Variants in GUCY2C observed in about 807,000 individuals in gnomAD.
GUCY2C encodes guanylate cyclase 2C.
GUCY2C carries 118 observed loss-of-function variants against 131.1 expected under a neutral mutation model. That is an observed-to-expected ratio of 0.90 (90% CI 0.78 to 1.05). The LOEUF is 1.05. Ranked by LOEUF, GUCY2C falls within the 50% of genes least tolerant of loss-of-function variation. The pLI is 0.00. For synonymous variants in GUCY2C, 452 were observed against 457.8 expected, an observed-to-expected ratio of 0.99 and a Z score of 0.16; for missense variants, 1,161 against 1,304.4, an observed-to-expected ratio of 0.89 and a Z score of 1.69.
chr12:14,666,340 C>T (rs1417002253), intron 10 of GUCY2C, among the ~76,000 whole-genome samples: 1 of 152,244 alleles, frequency 6.6e-6, no homozygotes, highest in Non-Finnish European at 1.5e-5. Flanking sequence ...TGCGGGCATT[C>T]ATCTACGCAA....
In GUCY2C at chr12:14,621,042, C is replaced by G. The variant is rs138750508; in HGVS notation, c.2776G>C (p.Gly926Arg). 12 of 1,612,942 alleles carry G rather than the reference C, an allele frequency of 7.4e-6. No individual in the cohort carries two copies. In the African/African-American group the frequency reaches 1.6e-4, roughly 22 times the overall value. The stretch of plus-strand genomic sequence containing the variant: ...TTTGCTAAGATGCTCAACTCCATAC[C>G]AGAGTGAACTCCAATGCGAATCCAT... ...PIWIRIGVHS[G>R]PCAAGVVGIK... Residue 926 changes from glycine (G) to arginine (R), a missense_variant and splice_region_variant, in exon 23 of 27, where the codon GGT becomes CGT. Physicochemically the swap from Gly to Arg is moderately radical, Grantham distance 125. Coordinates refer to ENST00000261170, the MANE Select transcript of GUCY2C (RefSeq NM_004963.4).
intron 10 of GUCY2C, among the ~76,000 whole-genome samples, chr12:14,662,909 C>T (rs1225183496): frequency 6.6e-6 from 1 of 152,082 alleles, no homozygotes; most frequent in Non-Finnish European, 1.5e-5. Flanking sequence ...GTGGCACTAA[C>T]ATCTTCATCT....
chr12:14,652,120 C>T (rs1047685610), intron 13 of GUCY2C, 90 bp from the exon 14 acceptor site: 3 of 560,228 alleles, frequency 5.4e-6, no homozygotes, highest in African/African-American at 3.8e-5. Flanking sequence ...TCTCACTAGA[C>T]TATAAACTTT....
In GUCY2C at chr12:14,675,234, A is replaced by AAAAG. The variant is rs1296008609; in HGVS notation, c.949-478_949-475dup. Among the ~76,000 whole-genome samples, 4 of 144,936 alleles carry AAAAG rather than the reference A, an allele frequency of 2.8e-5. 1 individual carries two copies. The South Asian group carries it at 8.7e-4, about 32-fold the overall frequency. On this transcript the variant is annotated intron_variant, in intron 7 of 26. Coordinates refer to ENST00000261170, the MANE Select transcript of GUCY2C (RefSeq NM_004963.4). ...AAAAAAAAAAAAAAAAAAAAAGAAAAAAAGAAAGAAAGAAAGAAAAAAAAC... is the reference window on the plus strand; with the variant it reads ...AAAAAAAAAAAAAAAAAAAAAGAAAAAAAGAAAGAAAGAAAGAAAGAAAAAAAAC...
In GUCY2C at chr12:14,613,379, C is replaced by G; in HGVS notation, c.3048-88G>C. On this transcript the variant is annotated intron_variant, in intron 26 of 26. Transcript: ENST00000261170. The surrounding 1 kb of genome is among the most constrained non-coding windows in gnomAD (Gnocchi z 4.9). ...CTCCAGAATAATCAGTTCAGTTAGT[C>G]AGTTACTCTTTGAATGCCTATTCTG... 2.0e-6 allele frequency: 2 copies of G among 998,128 alleles called. No homozygotes were observed. The highest frequency in any genetic ancestry group is 1.3e-5 in the South Asian group (1 of 74,596). 61.8% of individuals were successfully genotyped at this position (998,128 alleles called of 1,614,324 possible).
Position 14,674,508 on chromosome 12 carries a change from T to G in GUCY2C, c.1084+117A>C, listed in dbSNP as rs1289834782. ...GTAATGATGTTTGCATCCAGTTGAG[T>G]TCAAAGGGATTTAGCTGTGGAATCA... is the stretch of plus-strand genomic sequence containing the variant. On this transcript the variant is annotated intron_variant, in intron 8 of 26. Coordinates refer to ENST00000261170, the MANE Select transcript of GUCY2C (RefSeq NM_004963.4). The G allele has an allele frequency of 6.5e-6, 6 of 922,094 alleles. No individual in the cohort carries two copies. The Middle Eastern group carries it at 6.3e-4, about 96-fold the overall frequency. 57.1% of individuals were successfully genotyped at this position (922,094 alleles called of 1,614,324 possible). A position where few individuals can be genotyped will look rare whatever the true frequency, so the allele number is the denominator to read the frequency against.
intron 7 of GUCY2C, 33 bp from the exon 8 acceptor site, chr12:14,674,793 C>T (rs1948192863): frequency 6.5e-7 from 1 of 1,545,094 alleles, no homozygotes; most frequent in Non-Finnish European, 8.8e-7. Flanking sequence ...AAAACGGGTC[C>T]TTCAAAAAAG....
intron 20 of GUCY2C, among the ~76,000 whole-genome samples, chr12:14,626,694 A>G (rs1200764397): frequency 6.6e-6 from 1 of 152,228 alleles, no homozygotes; most frequent in African/African-American, 2.4e-5. Flanking sequence ...TGTATCATAA[A>G]ATACAAATTA....
At chr12:14,645,500 GT>G (rs552256678) in intron 15 of GUCY2C, among the ~76,000 whole-genome samples, 185 bp from the exon 16 acceptor site, 128 of 152,282 alleles carry the variant, frequency 8.4e-4, no homozygotes, top group African/African-American at 2.8e-3. Flanking sequence ...GCATTGGGTG[GT>G]TTTTGCCACC....
chr12:14,659,156 G>C (rs889077694), intron 11 of GUCY2C, among the ~76,000 whole-genome samples: 1 of 151,552 alleles, frequency 6.6e-6, no homozygotes, highest in Non-Finnish European at 1.5e-5. Context: ...AGATCTTCCT[G>C]CCTCAGCCTC....
intron 21 of GUCY2C, among the ~76,000 whole-genome samples, chr12:14,624,880 A>G (rs1337414656): frequency 6.6e-6 from 1 of 152,266 alleles, no homozygotes; most frequent in African/African-American, 2.4e-5. Flanking sequence ...CCGCCAATGA[A>G]ACCCTGGGAA....
intron 1 of GUCY2C, among the ~76,000 whole-genome samples, chr12:14,695,033 T>C (rs1385724556): frequency 1.3e-5 from 2 of 152,194 alleles, no homozygotes. Context: ...ATATAATACA[T>C]ACTGGATATT....
chr12:14,641,277 C>T, intron 17 of GUCY2C, 58 bp from the exon 18 acceptor site: 1 of 1,545,410 alleles, frequency 6.5e-7, no homozygotes, highest in Non-Finnish European at 8.9e-7. Flanking sequence ...TCATAGGCCT[C>T]CAACCTGCTT....
At chr12:14,647,727 G>A (rs1017158392) in intron 15 of GUCY2C, among the ~76,000 whole-genome samples, 4 of 151,840 alleles carry the variant, frequency 2.6e-5, no homozygotes, top group Non-Finnish European at 5.9e-5. Context: ...TGCATTTCAC[G>A]TTGAGTATTT....
At position 14,683,066 on chromosome 12, in the gene GUCY2C, C is replaced by A; in HGVS notation, c.587G>T (p.Gly196Val). ...CCAGAAACAGTCCTCAGTTTCTGTA[C>A]CATTCTTGTAAACATACGAAGTGCT... Reference protein sequence around the residue: ...SWSTSYVYKNGTETEDCFWYL... With the variant: ...SWSTSYVYKNVTETEDCFWYL... The change falls in exon 4 of 27, where the codon GGT (glycine) becomes GTT (valine). Residue 196 changes from glycine to valine, a missense_variant. Gly to Val is a moderately radical substitution (Grantham distance 109, BLOSUM62 -3). Coordinates refer to ENST00000261170, the MANE Select transcript of GUCY2C (RefSeq NM_004963.4). 1 of 1,612,282 alleles carries A rather than the reference C, an allele frequency of 6.2e-7. No individual in the cohort carries two copies. Among genetic ancestry groups the A allele is most frequent in the Non-Finnish European group, 8.5e-7 (1 of 1,178,454 alleles).
At position 14,666,214 on chromosome 12, in the gene GUCY2C, CCATGACACCCACA is replaced by C. The variant is rs1354901165; in HGVS notation, c.1282+3495_1282+3507del. ...AAATGCGGCCTCTACCTGGCTGGCG[CCATGACACCCACA>C]CATGTGGCTTTACCCGGCCGGCACA... is the stretch of plus-strand genomic sequence containing the variant. On this transcript the variant is annotated intron_variant, in intron 10 of 26. Transcript: ENST00000261170. Among the ~76,000 whole-genome samples, 15 of 152,350 alleles carry C rather than the reference CCATGACACCCACA, an allele frequency of 9.8e-5. No individual in the cohort carries two copies. In the South Asian group the frequency reaches 2.9e-3, roughly 29 times the overall value.
intron 19 of GUCY2C, among the ~76,000 whole-genome samples, chr12:14,635,418 A>AT (rs1947246325): frequency 6.6e-6 from 1 of 152,188 alleles, no homozygotes; most frequent in Admixed American, 6.5e-5. Flanking sequence ...ACAAATGAAA[A>AT]TTTAAACACA....
chr12:14,652,948 T>A lies in GUCY2C; in HGVS notation c.1533+4A>T, dbSNP rs1947694188. On this transcript the variant is annotated splice_donor_region_variant and intron_variant, in intron 13 of 26. Transcript: ENST00000261170. ...GGAGAGTTCAGAGAAGTGGGAGAGG[T>A]CACCTTTTTGTCGTATTTGCACTGT... 2 of 1,595,720 alleles carry A rather than the reference T, an allele frequency of 1.3e-6. No homozygotes were observed. The highest frequency in any genetic ancestry group is 2.2e-5 in the East Asian group (1 of 44,778).
At chr12:14,622,360 T>G (rs1388007993) in intron 21 of GUCY2C, among the ~76,000 whole-genome samples, 163 bp from the exon 22 acceptor site, 6 of 152,206 alleles carry the variant, frequency 3.9e-5, no homozygotes, top group Non-Finnish European at 7.3e-5. Context: ...ATCATATACA[T>G]GAACATATTA....
Sources: allele counts gnomAD v4.1 joint callset (sites outside exome capture counted in the v4.1 genomes callset), GRCh38; gene constraint gnomAD v4.1.1; non-coding constraint Gnocchi (gnomAD v3.1); transcripts MANE v1.5; gene names NCBI Gene and HGNC (gene_info 2026-07-23, HGNC 2026-07-21).